Variants in PLCL2 observed in about 807,000 individuals in gnomAD.
PLCL2 encodes the protein phospholipase C like 2, also known as inactive phospholipase C-like protein 2.
Under a neutral mutation model 79.6 loss-of-function variants are expected in PLCL2, and 4 were observed. The ratio of observed to expected loss-of-function variants is 0.05; its 90% CI spans 0.02 to 0.11. The LOEUF (loss-of-function observed/expected upper bound fraction) is 0.11. Ranked by LOEUF, PLCL2 falls within the 10% of genes least tolerant of loss-of-function variation. The pLI is 1.00. For synonymous variants in PLCL2, 484 were observed against 457.7 expected, an observed-to-expected ratio of 1.06 and a Z score of -0.73; for missense variants, 895 against 1,291.0, an observed-to-expected ratio of 0.69 and a Z score of 4.70.
At position 17,085,692 on chromosome 3, in the gene PLCL2, G is replaced by A. The variant is rs560354016; in HGVS notation, c.3205-4041G>A. Among the ~76,000 whole-genome samples, 147 of 146,192 alleles carry A rather than the reference G, an allele frequency of 1.0e-3. 1 individual carries two copies. Among genetic ancestry groups the A allele is most frequent in the African/African-American group, 3.5e-3 (139 of 39,454 alleles). Reference sequence around the variant, plus strand: ...TCTCGATCTCCTGACCTCATGATCCGCCCGCCTCGGCCTCCCAAAGTGCTG... The same window carrying A: ...TCTCGATCTCCTGACCTCATGATCCACCCGCCTCGGCCTCCCAAAGTGCTG... On this transcript the variant is annotated intron_variant, in intron 5 of 5. Transcript: ENST00000615277.
intron 1 of PLCL2, among the ~76,000 whole-genome samples, chr3:16,965,099 C>A (rs201452754): frequency 0.27 from 39,969 of 150,806 alleles, 5,740 homozygotes; most frequent in East Asian, 0.55. Flanking sequence ...CTTGCCCATG[C>A]CTATGTCCTG....
At chr3:16,935,941 G>T (rs560540631) in intron 1 of PLCL2, among the ~76,000 whole-genome samples, 1 of 152,284 alleles carries the variant, frequency 6.6e-6, no homozygotes, top group East Asian at 1.9e-4. Flanking sequence ...GATAGCTCAT[G>T]TTATCCTTCC....
At chr3:17,021,629 C>T (rs2064455788) in intron 3 of PLCL2, among the ~76,000 whole-genome samples, 1 of 143,508 alleles carries the variant, frequency 7.0e-6, no homozygotes, top group African/African-American at 2.9e-5. Flanking sequence ...CACACACACA[C>T]ACCCCAGATA....
At chr3:16,894,481 CAT>C (rs1027937350) in intron 1 of PLCL2, among the ~76,000 whole-genome samples, 18 of 152,192 alleles carry the variant, frequency 1.2e-4, no homozygotes, top group African/African-American at 3.9e-4. Flanking sequence ...ATAGGACAGA[CAT>C]GTGTACATTC....
chr3:17,027,431 G>A (rs2064528911), intron 3 of PLCL2, among the ~76,000 whole-genome samples: 1 of 152,192 alleles, frequency 6.6e-6, no homozygotes. Context: ...TCTCACTACA[G>A]TGGCAAAGTT....
intron 1 of PLCL2, among the ~76,000 whole-genome samples, chr3:17,003,555 G>A (rs1344025264): frequency 6.6e-6 from 1 of 152,102 alleles, no homozygotes; most frequent in Non-Finnish European, 1.5e-5. Context: ...TAGGCTTCTG[G>A]TAGGGTCAGG....
intron 4 of PLCL2, among the ~76,000 whole-genome samples, chr3:17,066,110 A>G (rs1434109865): frequency 1.3e-5 from 2 of 152,146 alleles, no homozygotes; most frequent in Non-Finnish European, 2.9e-5. Flanking sequence ...GGATGTGAAG[A>G]GTGGGGAAAG....
intron 1 of PLCL2, among the ~76,000 whole-genome samples, chr3:16,906,216 G>T (rs1025121405): frequency 6.6e-6 from 1 of 152,026 alleles, no homozygotes; most frequent in Non-Finnish European, 1.5e-5. Flanking sequence ...TAAAAATATT[G>T]TGGGGCTGTA....
At chr3:16,892,222 C>T (rs1009756305) in intron 1 of PLCL2, among the ~76,000 whole-genome samples, 1 of 152,144 alleles carries the variant, frequency 6.6e-6, no homozygotes, top group South Asian at 2.1e-4. Flanking sequence ...TATTCATGTA[C>T]ATAATTTTGA....
chr3:16,977,252 G>T (rs1458364863), intron 1 of PLCL2, among the ~76,000 whole-genome samples: 2 of 152,016 alleles, frequency 1.3e-5, no homozygotes, highest in Non-Finnish European at 2.9e-5. Flanking sequence ...TTTCAAACTA[G>T]TATATCCTAG....
intron 1 of PLCL2, among the ~76,000 whole-genome samples, chr3:16,926,786 C>T (rs1421895458): frequency 6.6e-6 from 1 of 152,016 alleles, no homozygotes; most frequent in East Asian, 1.9e-4. Context: ...CACCCGCCAC[C>T]ATGGTTGGCT....
chr3:16,966,075 A>G (rs961599366), intron 1 of PLCL2, among the ~76,000 whole-genome samples: 2 of 151,960 alleles, frequency 1.3e-5, no homozygotes, highest in African/African-American at 2.4e-5. Flanking sequence ...GTGGTGAGAG[A>G]GGGCATCCCT....
intron 1 of PLCL2, among the ~76,000 whole-genome samples, chr3:17,003,795 C>T (rs1026596291): frequency 6.6e-6 from 1 of 152,122 alleles, no homozygotes; most frequent in Non-Finnish European, 1.5e-5. Context: ...GGTTCTGCTA[C>T]CCCCTGGGGC....
intron 1 of PLCL2, among the ~76,000 whole-genome samples, chr3:16,917,532 C>A (rs1161927645): frequency 6.6e-6 from 1 of 152,150 alleles, no homozygotes; most frequent in Non-Finnish European, 1.5e-5. Context: ...GGTTCACTTC[C>A]AGGATGGCTT....
intron 1 of PLCL2, among the ~76,000 whole-genome samples, chr3:16,980,915 C>T (rs2124987700): frequency 6.6e-6 from 1 of 152,382 alleles, no homozygotes; most frequent in East Asian, 1.9e-4. Context: ...TGGCGGATCA[C>T]TCACGGTTAG....
At chr3:16,941,964 C>G (rs143925682) in intron 1 of PLCL2, among the ~76,000 whole-genome samples, 1 of 152,090 alleles carries the variant, frequency 6.6e-6, no homozygotes, top group African/African-American at 2.4e-5. Flanking sequence ...AGAACCGGGA[C>G]CATTCTTATC....
At chr3:16,940,490 C>T (rs1431139169) in intron 1 of PLCL2, among the ~76,000 whole-genome samples, 1 of 152,084 alleles carries the variant, frequency 6.6e-6, no homozygotes, top group Non-Finnish European at 1.5e-5. Context: ...GTACTGGGGG[C>T]TAGAGGGTGG....
intron 2 of PLCL2, among the ~76,000 whole-genome samples, chr3:17,012,479 C>A (rs970041042): frequency 1.4e-4 from 21 of 152,094 alleles, no homozygotes; most frequent in African/African-American, 5.1e-4. Context: ...TCTGGGATTT[C>A]TGAATATTCC....
chr3:17,034,995 A>G (rs551833968), intron 3 of PLCL2, among the ~76,000 whole-genome samples: 49 of 152,214 alleles, frequency 3.2e-4, no homozygotes, highest in Admixed American at 1.2e-3. Context: ...CACCTGTCAT[A>G]CTAGTTATTA....
Sources: allele counts gnomAD v4.1 joint callset (sites outside exome capture counted in the v4.1 genomes callset), GRCh38; gene constraint gnomAD v4.1.1; transcripts MANE v1.5; gene names NCBI Gene and HGNC (gene_info 2026-07-23, HGNC 2026-07-21).